GRIN2A: variants seen among roughly 807,000 people sequenced by gnomAD.
The protein encoded by GRIN2A is glutamate receptor ionotropic, NMDA 2A.
GRIN2A carries 22 observed loss-of-function variants against 113.4 expected under a neutral mutation model. That is an observed-to-expected ratio of 0.19 (90% CI 0.14 to 0.28). The LOEUF (loss-of-function observed/expected upper bound fraction) is 0.28. Ranked by LOEUF, GRIN2A falls within the 10% of genes least tolerant of loss-of-function variation. GRIN2A has a pLI of 1.00. For missense variants in GRIN2A, 1,502 were observed against 1,887.0 expected (o/e 0.80, Z 3.78); for synonymous variants, 827 against 738.4 (o/e 1.12, Z -1.94).
At chr16:9,855,056 T>C (rs1016902700) in intron 4 of GRIN2A, among the ~76,000 whole-genome samples, 2 of 151,984 alleles carry the variant, frequency 1.3e-5, no homozygotes, top group Non-Finnish European at 2.9e-5. Context: ...TATGCACATA[T>C]GGATCCCATT....
At chr16:10,144,190 C>T (rs931578871) in intron 2 of GRIN2A, among the ~76,000 whole-genome samples, 5 of 151,964 alleles carry the variant, frequency 3.3e-5, no homozygotes, top group African/African-American at 7.3e-5. Flanking sequence ...TTGCACCAAC[C>T]GATAATAAAA....
chr16:9,934,988 T>C (rs913165883), intron 3 of GRIN2A, among the ~76,000 whole-genome samples: 3 of 152,018 alleles, frequency 2.0e-5, no homozygotes, highest in Non-Finnish European at 4.4e-5. Context: ...TGAAATACCA[T>C]TTACAAAATT....
chr16:9,868,317 G>A (rs1388190092), intron 4 of GRIN2A, among the ~76,000 whole-genome samples: 1 of 152,030 alleles, frequency 6.6e-6, no homozygotes, highest in East Asian at 1.9e-4. Context: ...TCCCACGCTG[G>A]ATGCAGTGGC....
intron 2 of GRIN2A, among the ~76,000 whole-genome samples, chr16:9,973,326 G>C (rs553820842): frequency 6.6e-6 from 1 of 152,274 alleles, no homozygotes; most frequent in East Asian, 1.9e-4. Flanking sequence ...TATAAACTAA[G>C]TTTCTCTGAA....
chr16:10,065,601 A>G (rs147948393), intron 2 of GRIN2A, among the ~76,000 whole-genome samples: 199 of 152,332 alleles, frequency 1.3e-3, no homozygotes, highest in African/African-American at 4.7e-3. Flanking sequence ...CATAGCTCCT[A>G]CCTCATAAGG....
intron 11 of GRIN2A, among the ~76,000 whole-genome samples, chr16:9,794,922 AAGG>A (rs1391810530): frequency 1.3e-5 from 2 of 150,504 alleles, no homozygotes; most frequent in East Asian, 3.9e-4. Context: ...TGATGATGAG[AAGG>A]AGAAGGATGA....
At chr16:9,793,311 G>A (rs1336596839) in intron 11 of GRIN2A, among the ~76,000 whole-genome samples, 2 of 152,056 alleles carry the variant, frequency 1.3e-5, no homozygotes, top group Non-Finnish European at 2.9e-5. Context: ...GTTCTTCTCA[G>A]TATCTTTTGT....
At chr16:9,848,401 A>C (rs1348435696) in intron 5 of GRIN2A, among the ~76,000 whole-genome samples, 1 of 150,698 alleles carries the variant, frequency 6.6e-6, no homozygotes, top group Non-Finnish European at 1.5e-5. Flanking sequence ...CTTTTAAGAA[A>C]GACAGGGTTT....
chr16:9,990,294 T>C (rs1042967232), intron 2 of GRIN2A, among the ~76,000 whole-genome samples: 15 of 152,018 alleles, frequency 9.9e-5, no homozygotes, highest in Admixed American at 5.2e-4. Context: ...GAAATCCAAG[T>C]AACACATGTT....
intron 10 of GRIN2A, among the ~76,000 whole-genome samples, chr16:9,820,613 G>A (rs1596462764): frequency 6.6e-6 from 1 of 152,190 alleles, no homozygotes; most frequent in Non-Finnish European, 1.5e-5. Flanking sequence ...CAACAATCTT[G>A]CAAACACAAT....
At chr16:9,856,384 G>T (rs568231913) in intron 4 of GRIN2A, among the ~76,000 whole-genome samples, 1 of 152,098 alleles carries the variant, frequency 6.6e-6, no homozygotes. Context: ...ACTTTGGGAG[G>T]CTGAGGCGGG....
intron 2 of GRIN2A, among the ~76,000 whole-genome samples, chr16:10,131,736 C>A (rs763869706): frequency 2.6e-5 from 4 of 152,156 alleles, no homozygotes; most frequent in Non-Finnish European, 5.9e-5. Flanking sequence ...AGGCAATGGC[C>A]TGAGTGCCTG....
chr16:10,131,218 G>T (rs555203252), intron 2 of GRIN2A, among the ~76,000 whole-genome samples: 2 of 152,278 alleles, frequency 1.3e-5, no homozygotes, highest in South Asian at 4.1e-4. Context: ...ACCGAGGCTA[G>T]TGGAGAACAG....
chr16:9,979,873 G>A (rs2045858361), intron 2 of GRIN2A, among the ~76,000 whole-genome samples: 1 of 145,226 alleles, frequency 6.9e-6, no homozygotes, highest in African/African-American at 2.6e-5. Flanking sequence ...GTGTGTGTGT[G>A]TGTATGAGAT....
At chr16:9,940,302 A>G (rs183883612) in intron 2 of GRIN2A, among the ~76,000 whole-genome samples, 228 of 152,286 alleles carry the variant, frequency 1.5e-3, no homozygotes, top group African/African-American at 5.1e-3. Flanking sequence ...GCAGAGAAGA[A>G]ACAAGAATAA....
chr16:10,112,767 A>T (rs979101463), intron 2 of GRIN2A: 2 of 711,422 alleles, frequency 2.8e-6, no homozygotes, highest in Non-Finnish European at 2.6e-6. Flanking sequence ...CATAGCGAGT[A>T]ACCAGCATGG....
intron 2 of GRIN2A, among the ~76,000 whole-genome samples, chr16:9,946,092 C>A (rs780313296): frequency 1.3e-5 from 2 of 152,174 alleles, no homozygotes; most frequent in Admixed American, 6.5e-5. Context: ...ATGATCATTG[C>A]TCTTGAACTC....
chr16:10,119,451 T>A (rs2048791837), intron 2 of GRIN2A, among the ~76,000 whole-genome samples: 1 of 151,784 alleles, frequency 6.6e-6, no homozygotes, highest in Non-Finnish European at 1.5e-5. Context: ...TGTGCCTTAG[T>A]CATCTCTGTA....
At chr16:9,943,880 C>G (rs1427268853) in intron 2 of GRIN2A, among the ~76,000 whole-genome samples, 1 of 152,212 alleles carries the variant, frequency 6.6e-6, no homozygotes, top group African/African-American at 2.4e-5. Context: ...AGTATCTGAA[C>G]TTTAAAGCTG....
Sources: gnomAD v4.1 joint callset for allele counts (sites outside exome capture counted in the v4.1 genomes callset) on GRCh38, gnomAD v4.1.1 for gene constraint, MANE v1.5 for transcripts, NCBI Gene and HGNC (gene_info 2026-07-23, HGNC 2026-07-21) for gene names.